The following NFX1 variants were observed in gnomAD, a reference collection of about 807,000 sequenced individuals.
The protein encoded by NFX1 is nuclear transcription factor, X-box binding 1.
NFX1 carries 69 observed loss-of-function variants against 137.2 expected under a neutral mutation model. The ratio of observed to expected loss-of-function variants is 0.50; its 90% CI spans 0.41 to 0.61. The LOEUF (loss-of-function observed/expected upper bound fraction) is 0.61. Ranked by LOEUF, NFX1 falls within the 20% of genes least tolerant of loss-of-function variation. NFX1 has a pLI of 0.00. For missense variants in NFX1, 1,167 were observed against 1,391.0 expected (o/e 0.84, Z 2.56); for synonymous variants, 495 against 474.1 (o/e 1.04, Z -0.57).
intron 14 of NFX1, among the ~76,000 whole-genome samples, chr9:33,346,129 C>G (rs1823411777): frequency 2.0e-5 from 3 of 152,168 alleles, no homozygotes; most frequent in Non-Finnish European, 4.4e-5. Flanking sequence ...CTTAGGATAG[C>G]CCTCCCAGCG....
chr9:33,350,604 A>G (rs1205433853), intron 15 of NFX1, among the ~76,000 whole-genome samples: 1 of 152,256 alleles, frequency 6.6e-6, no homozygotes, highest in African/African-American at 2.4e-5. Flanking sequence ...ATTATTAAAT[A>G]AAGTTAAGGT....
chr9:33,327,674 A>G (rs1822646228), intron 9 of NFX1, among the ~76,000 whole-genome samples: 2 of 152,102 alleles, frequency 1.3e-5, no homozygotes, highest in Admixed American at 6.6e-5. Flanking sequence ...CATGGAGACA[A>G]TCTTTATAGT....
intron 15 of NFX1, among the ~76,000 whole-genome samples, chr9:33,347,359 TAGAACA>T (rs1217858702): frequency 6.6e-6 from 1 of 152,212 alleles, no homozygotes; most frequent in Non-Finnish European, 1.5e-5. Context: ...AATCAAGATA[TAGAACA>T]GTTCAGTCAC....
Position 33,313,710 on chromosome 9 carries a change from A to G in NFX1, c.1505A>G (p.Asn502Ser), listed in dbSNP as rs1263082465. 6.2e-7 allele frequency: 1 copy of G among 1,614,146 alleles called. No individual in the cohort carries two copies. Among genetic ancestry groups the G allele is most frequent in the South Asian group, 1.1e-5 (1 of 91,072 alleles). The change falls in exon 7 of 24, where the codon AAT (asparagine) becomes AGT (serine). Residue 502 changes from asparagine to serine, a missense_variant. By Grantham distance (46) the Asn-to-Ser change is conservative (BLOSUM62 1). Transcript: ENST00000379540. ...VSVHCSNPCENILNCGQHQCA... is the reference protein window; with the variant it reads ...VSVHCSNPCESILNCGQHQCA... The stretch of plus-strand genomic sequence containing the variant: ...GTCCACTGTTCTAACCCATGTGAGA[A>G]TATTTTGAACTGTGGTCAGCACCAG...
In NFX1 at chr9:33,311,093, C is replaced by T; in HGVS notation, c.1377-13C>T. Reference sequence around the variant, plus strand: ...ATGGCTGTGGTTTATTCAGTGAAACCTTTCTCTTTCAGTCTCTGCCATCCA... The same window carrying T: ...ATGGCTGTGGTTTATTCAGTGAAACTTTTCTCTTTCAGTCTCTGCCATCCA... On this transcript the variant is annotated splice_polypyrimidine_tract_variant and intron_variant, in intron 5 of 23. Transcript: ENST00000379540. The T allele has an allele frequency of 6.2e-7, 1 of 1,613,930 alleles. No homozygotes were observed. Among genetic ancestry groups the T allele is most frequent in the Non-Finnish European group, 8.5e-7 (1 of 1,179,858 alleles).
chr9:33,307,646 G>A (rs1475573079), intron 5 of NFX1, among the ~76,000 whole-genome samples: 3 of 152,214 alleles, frequency 2.0e-5, no homozygotes, highest in Non-Finnish European at 4.4e-5. Flanking sequence ...AAGAAGAAAT[G>A]TGACTCATAT....
intron 11 of NFX1, among the ~76,000 whole-genome samples, chr9:33,335,025 T>C (rs1337566842): frequency 6.6e-6 from 1 of 152,198 alleles, no homozygotes; most frequent in Non-Finnish European, 1.5e-5. Context: ...TATGCTGAAG[T>C]ACTTTGAAAA....
intron 9 of NFX1, among the ~76,000 whole-genome samples, chr9:33,320,961 A>G (rs2071242911): frequency 6.6e-6 from 1 of 152,148 alleles, no homozygotes; most frequent in South Asian, 2.1e-4. Flanking sequence ...GTCTTCTTGT[A>G]TTTTAATATA....
intron 23 of NFX1, 108 bp downstream of exon 23, chr9:33,367,727 C>A: frequency 2.1e-6 from 2 of 937,114 alleles, no homozygotes; most frequent in Non-Finnish European, 3.3e-6. Context: ...TCAGGCCTGG[C>A]CTTGGGGTAC....
intron 11 of NFX1, among the ~76,000 whole-genome samples, chr9:33,335,989 A>C (rs901554471): frequency 6.6e-6 from 1 of 152,170 alleles, no homozygotes; most frequent in Admixed American, 6.5e-5. Context: ...TAGTGCTGTT[A>C]TGAACATTTG....
chr9:33,364,025 A>G lies in NFX1; in HGVS notation c.2889A>G (p.Ala963=), dbSNP rs200911325. The change falls in exon 20 of 24, where the codon GCA becomes GCG. Residue 963 remains alanine, a synonymous_variant. Transcript: ENST00000379540. The part of the protein sequence containing the change: ...ALERKKRLAE[A]FHISEDSDPF... Reference sequence around the variant, plus strand: ...TCTCTTTCAGGAGATTAGCAGAGGCATTTCATATCAGTGAGGATTCTGATC... The same window carrying G: ...TCTCTTTCAGGAGATTAGCAGAGGCGTTTCATATCAGTGAGGATTCTGATC... 8 of 1,586,038 alleles carry G rather than the reference A, an allele frequency of 5.0e-6. No individual in the cohort carries two copies. Among genetic ancestry groups the G allele is most frequent in the Non-Finnish European group, 6.9e-6 (8 of 1,167,618 alleles).
intron 16 of NFX1, among the ~76,000 whole-genome samples, chr9:33,352,117 A>G (rs1352987978): frequency 6.6e-6 from 1 of 152,230 alleles, no homozygotes; most frequent in African/African-American, 2.4e-5. Flanking sequence ...ATGAGGTGCT[A>G]GGGATAAATT....
intron 2 of NFX1, among the ~76,000 whole-genome samples, chr9:33,297,514 T>C (rs1473493445): frequency 6.6e-6 from 1 of 152,244 alleles, no homozygotes; most frequent in African/African-American, 2.4e-5. Context: ...ACTGTTTCTG[T>C]GGGTCAGATG....
intron 9 of NFX1, among the ~76,000 whole-genome samples, chr9:33,328,037 G>T (rs888786600): frequency 2.6e-5 from 4 of 152,112 alleles, no homozygotes; most frequent in Non-Finnish European, 5.9e-5. Flanking sequence ...TTGAAACAGG[G>T]TCTTGCTCTG....
In NFX1 at chr9:33,295,177, A is replaced by G. The variant is rs1679595795; in HGVS notation, c.783A>G (p.Pro261=). 2 of 1,614,052 alleles carry G rather than the reference A, an allele frequency of 1.2e-6. No individual in the cohort carries two copies. Among genetic ancestry groups the G allele is most frequent in the Non-Finnish European group, 1.7e-6 (2 of 1,179,996 alleles). Residue 261 remains proline, a synonymous_variant, in exon 2 of 24, where the codon CCA becomes CCG. Transcript: ENST00000379540. ...EGARPRPGRN[P]PKQEGHRHTN... ...CCAGGCCACGACCAGGCAGAAATCC[A>G]CCAAAACAGGAGGGCCACCGACATA...
intron 12 of NFX1, among the ~76,000 whole-genome samples, chr9:33,341,694 G>A (rs900078860): frequency 6.6e-5 from 10 of 152,160 alleles, no homozygotes; most frequent in Non-Finnish European, 8.8e-5. Flanking sequence ...TTTTGAGGCC[G>A]AGGTGGGTGG....
Position 33,312,116 on chromosome 9 carries a change from T to C in NFX1, c.1448+939T>C, listed in dbSNP as rs552112734. Among the ~76,000 whole-genome samples, 968 of 152,308 alleles carry C rather than the reference T, an allele frequency of 6.4e-3. 7 individuals carry two copies. The highest frequency in any genetic ancestry group is 0.022 in the African/African-American group (921 of 41,570). Reference sequence around the variant, plus strand: ...GGCCCAGTAAGATCTTAAAATGATTTTTGAACCACAGGATGAGATGAATCA... The same window carrying C: ...GGCCCAGTAAGATCTTAAAATGATTCTTGAACCACAGGATGAGATGAATCA... On this transcript the variant is annotated intron_variant, in intron 6 of 23. Transcript: ENST00000379540.
intron 6 of NFX1, among the ~76,000 whole-genome samples, chr9:33,311,585 G>T (rs1014583892): frequency 2.6e-5 from 4 of 151,958 alleles, no homozygotes; most frequent in Non-Finnish European, 2.9e-5. Flanking sequence ...CGGAGTCTCG[G>T]TCTGTCACCC....
At position 33,310,743 on chromosome 9, in the gene NFX1, A is replaced by G. The variant is rs370866910; in HGVS notation, c.1377-363A>G. 3.9e-5 allele frequency among the ~76,000 whole-genome samples: 6 copies of G among 152,332 alleles called. No individual in the cohort carries two copies. In the East Asian group the frequency reaches 1.2e-3, roughly 29 times the overall value. ...AGACTCTGATCTTCTACAGGACCCT[A>G]TTAGCCATTCTGCCTTTTACCTGAG... On this transcript the variant is annotated intron_variant, in intron 5 of 23. Coordinates refer to ENST00000379540, the MANE Select transcript of NFX1 (RefSeq NM_002504.6).
Sources: gnomAD v4.1 joint callset for allele counts (sites outside exome capture counted in the v4.1 genomes callset) on GRCh38, gnomAD v4.1.1 for gene constraint, MANE v1.5 for transcripts, NCBI Gene and HGNC (gene_info 2026-07-23, HGNC 2026-07-21) for gene names.